COL22A1: variants seen among roughly 807,000 people sequenced by gnomAD.
COL22A1 encodes the protein collagen alpha-1(XXII) chain.
In COL22A1, 221 loss-of-function variants were observed where a neutral mutation model predicts 248.9. The ratio of observed to expected loss-of-function variants is 0.89; its 90% CI spans 0.80 to 0.99. The LOEUF (loss-of-function observed/expected upper bound fraction) is 0.99. Ranked by LOEUF, COL22A1 falls within the 50% of genes least tolerant of loss-of-function variation. The pLI, the probability that COL22A1 is intolerant of heterozygous loss-of-function variation, is 0.00. For synonymous variants in COL22A1, 891 were observed against 793.4 expected (o/e 1.12, Z -2.07); for missense variants, 2,240 against 2,179.0 (o/e 1.03, Z -0.56).
chr8:138,747,859 GA>G (rs1442029570), intron 22 of COL22A1, among the ~76,000 whole-genome samples: 1 of 152,082 alleles, frequency 6.6e-6, no homozygotes, highest in Non-Finnish European at 1.5e-5. Context: ...AGAAAAATAG[GA>G]AAAAAATTGG....
chr8:138,694,808 G>A lies in COL22A1; in HGVS notation c.2646+18C>T. The A allele has an allele frequency of 1.9e-6, 3 of 1,613,390 alleles. No individual in the cohort carries two copies. The highest frequency in any genetic ancestry group is 2.5e-6 in the Non-Finnish European group (3 of 1,179,660). ...CAGGTAACCAGCCCTGCGGGGGAAG[G>A]GGACACAAGAGACTCACCGGTTCCC... On this transcript the variant is annotated intron_variant, in intron 33 of 64. Transcript: ENST00000303045.
chr8:138,694,821 C>T lies in COL22A1; in HGVS notation c.2646+5G>A, dbSNP rs1489330543. The T allele has an allele frequency of 3.1e-6, 5 of 1,613,822 alleles. No individual in the cohort carries two copies. The African/African-American group carries it at 6.7e-5, about 22-fold the overall frequency. On this transcript the variant is annotated splice_donor_5th_base_variant and intron_variant, in intron 33 of 64. Transcript: ENST00000303045. ...CTGCGGGGGAAGGGGACACAAGAGA[C>T]TCACCGGTTCCCCAGGCAGGCCTGG...
chr8:138,749,693 C>T (rs1420599976), intron 22 of COL22A1, among the ~76,000 whole-genome samples: 1 of 152,204 alleles, frequency 6.6e-6, no homozygotes, highest in Non-Finnish European at 1.5e-5. Flanking sequence ...GACCAGGTAA[C>T]TTGCAAGGGT....
At chr8:138,624,953 C>T (rs1820117234) in intron 51 of COL22A1, among the ~76,000 whole-genome samples, 1 of 152,186 alleles carries the variant, frequency 6.6e-6, no homozygotes, top group South Asian at 2.1e-4. Flanking sequence ...AGATGTAGTT[C>T]CAGCTCATGC....
At chr8:138,847,261 C>T (rs1821311159) in intron 3 of COL22A1, among the ~76,000 whole-genome samples, 1 of 152,234 alleles carries the variant, frequency 6.6e-6, no homozygotes, top group African/African-American at 2.4e-5. Context: ...GACAACTGAG[C>T]TGAGAAGTAA....
At chr8:138,606,518 C>G in intron 57 of COL22A1, 66 bp from the exon 58 acceptor site, 4 of 1,459,804 alleles carry the variant, frequency 2.7e-6, no homozygotes, top group Non-Finnish European at 3.8e-6. Context: ...ATTTGGAAAC[C>G]TTGTGACCAC....
At chr8:138,700,511 T>C (rs1827866823) in intron 31 of COL22A1, among the ~76,000 whole-genome samples, 1 of 152,198 alleles carries the variant, frequency 6.6e-6, no homozygotes, top group African/African-American at 2.4e-5. Flanking sequence ...CATGTCACAA[T>C]GTCTCCTTCT....
intron 61 of COL22A1, among the ~76,000 whole-genome samples, chr8:138,598,055 G>A (rs146942269): frequency 1.3e-4 from 20 of 152,312 alleles, no homozygotes; most frequent in South Asian, 8.3e-4. Flanking sequence ...CTGTTGAGCC[G>A]GAAGGAGTGG....
Position 138,802,922 on chromosome 8 carries a change from C to A in COL22A1, c.1507G>T (p.Ala503Ser). 1 of 1,613,818 alleles carries A rather than the reference C, an allele frequency of 6.2e-7. No homozygotes were observed. The highest frequency in any genetic ancestry group is 8.5e-7 in the Non-Finnish European group (1 of 1,179,696). Residue 503 changes from alanine (A) to serine (S), a missense_variant, in exon 11 of 65, where the codon GCC (alanine) becomes TCC (serine). Coordinates refer to ENST00000303045, the MANE Select transcript of COL22A1 (RefSeq NM_152888.3). Reference sequence around the variant, plus strand: ...CCAGGAGCGCCAACCGGCCCAATGGCTCCTATGTCTCCCTGAGGGGTTGAG... The same window carrying A: ...CCAGGAGCGCCAACCGGCCCAATGGATCCTATGTCTCCCTGAGGGGTTGAG... ...GLPGPKGDIG[A>S]IGPVGAPGPK... is the part of the protein sequence containing the mutation.
At chr8:138,696,402 G>T (rs573259340) in intron 32 of COL22A1, among the ~76,000 whole-genome samples, 1 of 152,164 alleles carries the variant, frequency 6.6e-6, no homozygotes, top group Non-Finnish European at 1.5e-5. Context: ...TGAAGGGAGG[G>T]CCATGGATGC....
In COL22A1 at chr8:138,716,216, G is replaced by A. The variant is rs1424756969; in HGVS notation, c.2463+11C>T. The stretch of plus-strand genomic sequence containing the variant: ...GTTCCTGTGTGGGAGGAAGGAAGCT[G>A]CCACACTTACCTGGTCTCCTTTCTC... On this transcript the variant is annotated intron_variant, in intron 29 of 64. Transcript: ENST00000303045. The A allele has an allele frequency of 6.4e-7, 1 of 1,574,138 alleles. No homozygotes were observed. The highest frequency in any genetic ancestry group is 8.6e-7 in the Non-Finnish European group (1 of 1,157,102).
chr8:138,790,465 T>G (rs1343858876), intron 12 of COL22A1, among the ~76,000 whole-genome samples: 1 of 152,172 alleles, frequency 6.6e-6, no homozygotes, highest in Non-Finnish European at 1.5e-5. Context: ...TCCAGAGACC[T>G]TTCTTGGTCA....
At chr8:138,695,527 G>C (rs1827437274) in intron 32 of COL22A1, among the ~76,000 whole-genome samples, 1 of 151,994 alleles carries the variant, frequency 6.6e-6, no homozygotes, top group South Asian at 2.1e-4. Context: ...TAGAGAAGCT[G>C]GGGAGGGGTG....
intron 3 of COL22A1, among the ~76,000 whole-genome samples, chr8:138,865,164 G>A (rs1015233728): frequency 6.6e-6 from 1 of 152,198 alleles, no homozygotes; most frequent in African/African-American, 2.4e-5. Flanking sequence ...TCAAAATGCA[G>A]ACAGAGTTTT....
chr8:138,884,038 C>T (rs1339513119), intron 1 of COL22A1, among the ~76,000 whole-genome samples: 1 of 152,174 alleles, frequency 6.6e-6, no homozygotes, highest in Non-Finnish European at 1.5e-5. Context: ...CTAGCCATTT[C>T]CCACAGGTTC....
intron 21 of COL22A1, 101 bp downstream of exon 21, chr8:138,755,054 TGA>T: frequency 1.7e-6 from 2 of 1,162,826 alleles, no homozygotes; most frequent in Non-Finnish European, 2.5e-6. Flanking sequence ...TGAAGGCGCT[TGA>T]GATAATGCCA....
At chr8:138,711,185 G>A (rs371364383) in intron 30 of COL22A1, among the ~76,000 whole-genome samples, 3 of 152,142 alleles carry the variant, frequency 2.0e-5, no homozygotes, top group Admixed American at 6.5e-5. Context: ...CCTCCATGAC[G>A]TGTTTGACTG....
intron 39 of COL22A1, among the ~76,000 whole-genome samples, chr8:138,680,698 C>CT: frequency 6.6e-6 from 1 of 152,300 alleles, no homozygotes. Flanking sequence ...CTAGCTTCCC[C>CT]TGCTTCTTAC....
chr8:138,690,959 T>G, intron 35 of COL22A1, 85 bp from the exon 36 acceptor site: 1 of 1,077,964 alleles, frequency 9.3e-7, no homozygotes, highest in Non-Finnish European at 1.3e-6. Flanking sequence ...TGCCTCATAC[T>G]CAATTCACCG....
Sources: allele counts gnomAD v4.1 joint callset (sites outside exome capture counted in the v4.1 genomes callset), GRCh38; gene constraint gnomAD v4.1.1; transcripts MANE v1.5; gene names NCBI Gene and HGNC (gene_info 2026-07-23, HGNC 2026-07-21).